The following MOK variants were observed in gnomAD, a reference collection of about 807,000 sequenced individuals.
MOK encodes the protein MAPK/MAK/MRK overlapping kinase.
MOK carries 59 observed loss-of-function variants against 54.2 expected under a neutral mutation model. The ratio of observed to expected loss-of-function variants is 1.09; its 90% CI spans 0.88 to 1.35. MOK has a LOEUF of 1.35. Among genes scored for constraint, MOK ranks in the 40% most tolerant of loss-of-function variants. The pLI is 0.00. For missense variants in MOK, 517 were observed against 526.2 expected, an observed-to-expected ratio of 0.98 and a Z score of 0.17; for synonymous variants, 210 against 202.7, an observed-to-expected ratio of 1.04 and a Z score of -0.31.
At chr14:102,259,245 T>G (rs1314633435) in intron 4 of MOK, among the ~76,000 whole-genome samples, 1 of 152,216 alleles carries the variant, frequency 6.6e-6, no homozygotes, top group African/African-American at 2.4e-5. Flanking sequence ...TAGTCTTTAA[T>G]AGTGCTCCTC....
chr14:102,295,681 A>G (rs1223891407), intron 1 of MOK, among the ~76,000 whole-genome samples: 2 of 152,254 alleles, frequency 1.3e-5, no homozygotes, highest in Non-Finnish European at 2.9e-5. Flanking sequence ...TACACAATTA[A>G]TTATTTGATA....
chr14:102,264,381 C>A (rs936832338), intron 3 of MOK: 1 of 152,316 alleles, frequency 6.6e-6, no homozygotes, highest in Non-Finnish European at 1.5e-5. Context: ...AGTCACATCA[C>A]AAGTGTGTGA....
At chr14:102,265,721 G>T in intron 3 of MOK, 102 bp downstream of exon 3, 1 of 907,948 alleles carries the variant, frequency 1.1e-6, no homozygotes, top group Non-Finnish European at 1.7e-6. Flanking sequence ...TACTCTCTGA[G>T]CTACAAAGTA....
In MOK at chr14:102,305,037, TC is replaced by T; in HGVS notation, c.-70del. On this transcript the variant is annotated 5_prime_UTR_variant, in exon 1 of 12. Coordinates refer to ENST00000361847, the MANE Select transcript of MOK (RefSeq NM_014226.3). ...GGAAAAGAAAGAAGCAGGAAGGTTG[TC>T]CCCCTGCTTTCCACTTCCCTGAGGC... 1 of 1,555,322 alleles carries T rather than the reference TC, an allele frequency of 6.4e-7. No homozygotes were observed. Among genetic ancestry groups the T allele is most frequent in the South Asian group, 1.2e-5 (1 of 85,740 alleles).
intron 7 of MOK, among the ~76,000 whole-genome samples, chr14:102,237,283 A>C (rs1357699700): frequency 6.6e-6 from 1 of 152,092 alleles, no homozygotes; most frequent in Non-Finnish European, 1.5e-5. Context: ...TCTCAAACTC[A>C]CACAGTTACT....
chr14:102,283,652 TC>T, intron 1 of MOK, 60 bp from the exon 2 acceptor site: 2 of 1,015,940 alleles, frequency 2.0e-6, no homozygotes, highest in Non-Finnish European at 3.0e-6. Flanking sequence ...TGTATTCACT[TC>T]CAGACAGCAA....
At chr14:102,286,945 T>TAATA (rs1459379673) in intron 1 of MOK, among the ~76,000 whole-genome samples, 1 of 149,542 alleles carries the variant, frequency 6.7e-6, no homozygotes, top group Non-Finnish European at 1.5e-5. Context: ...ATAATAATAA[T>TAATA]AATGTCCTTA....
At chr14:102,251,081 A>G in intron 6 of MOK, 91 bp from the exon 7 acceptor site, 3 of 1,362,598 alleles carry the variant, frequency 2.2e-6, no homozygotes, top group Non-Finnish European at 3.0e-6. Context: ...CCAGCAGGAA[A>G]ATTACTAGCA....
chr14:102,268,230 T>A (rs1353801877), intron 2 of MOK, among the ~76,000 whole-genome samples: 1 of 152,202 alleles, frequency 6.6e-6, no homozygotes, highest in African/African-American at 2.4e-5. Flanking sequence ...CCACAGGCAT[T>A]CACTGAGAAA....
At chr14:102,257,948 G>T (rs1437483651) in intron 4 of MOK, among the ~76,000 whole-genome samples, 1 of 149,820 alleles carries the variant, frequency 6.7e-6, no homozygotes, top group East Asian at 1.9e-4. Context: ...CTGCACTCCA[G>T]CCTGCCAACA....
chr14:102,256,642 C>A (rs950462138), intron 4 of MOK, among the ~76,000 whole-genome samples: 2 of 151,798 alleles, frequency 1.3e-5, no homozygotes, highest in East Asian at 3.9e-4. Flanking sequence ...CTCAAATAAT[C>A]CTCCCGCCTT....
At chr14:102,298,515 G>C (rs1234359101) in intron 1 of MOK, among the ~76,000 whole-genome samples, 1 of 152,194 alleles carries the variant, frequency 6.6e-6, no homozygotes, top group East Asian at 1.9e-4. Context: ...GTGTCTAGCT[G>C]ATCTCACGGG....
intron 4 of MOK, among the ~76,000 whole-genome samples, chr14:102,256,558 C>T (rs369289338): frequency 2.0e-5 from 3 of 151,388 alleles, no homozygotes; most frequent in South Asian, 4.2e-4. Context: ...GGCAACAGAG[C>T]GAGACTCCGT....
chr14:102,295,072 G>A (rs1473296583), intron 1 of MOK, among the ~76,000 whole-genome samples: 1 of 152,166 alleles, frequency 6.6e-6, no homozygotes, highest in Non-Finnish European at 1.5e-5. Flanking sequence ...TATTTTCATA[G>A]GCCTTCAAAA....
chr14:102,277,509 T>C (rs939395665), intron 2 of MOK: 21 of 152,082 alleles, frequency 1.4e-4, no homozygotes, highest in African/African-American at 4.8e-4. Context: ...TCCCAGCTAC[T>C]TGGGAGGCTG....
At chr14:102,292,686 A>T (rs1488398048) in intron 1 of MOK, among the ~76,000 whole-genome samples, 1 of 152,020 alleles carries the variant, frequency 6.6e-6, no homozygotes, top group African/African-American at 2.4e-5. Flanking sequence ...TAAAGCCATA[A>T]ACCTCTTAAA....
chr14:102,297,728 G>A lies in MOK; in HGVS notation c.7+7234C>T, dbSNP rs190834616. ...ACCGGGGCTGCACGTGGTGCTTGCG[G>A]GCCAGCATGAGTTCTGGGTGGGTGT... is the stretch of plus-strand genomic sequence containing the variant. On this transcript the variant is annotated intron_variant, in intron 1 of 11. Coordinates refer to ENST00000361847, the MANE Select transcript of MOK (RefSeq NM_014226.3). Among the ~76,000 whole-genome samples the A allele has an allele frequency of 1.4e-3, 213 of 152,322 alleles. 3 individuals carry two copies. Among genetic ancestry groups the A allele is most frequent in the African/African-American group, 4.8e-3 (199 of 41,570 alleles).
intron 1 of MOK, among the ~76,000 whole-genome samples, chr14:102,298,114 C>G (rs571167817): frequency 2.1e-3 from 326 of 152,362 alleles, no homozygotes; most frequent in Non-Finnish European, 4.2e-3. Flanking sequence ...ACCTGCAGCC[C>G]TGGTGTGGGA....
downstream of MOK, chr14:102,226,090 C>T: frequency 8.9e-6 from 5 of 558,866 alleles, no homozygotes; most frequent in Non-Finnish European, 1.6e-5. This position sits in a 1 kb window ranked among gnomAD's most constrained non-coding sequence, Gnocchi z 4.8. Flanking sequence ...AGGTCACGGT[C>T]GCACTGCTGC....
Sources: gnomAD v4.1 joint callset for allele counts (sites outside exome capture counted in the v4.1 genomes callset) on GRCh38, gnomAD v4.1.1 for gene constraint, Gnocchi (gnomAD v3.1) non-coding constraint, MANE v1.5 for transcripts, NCBI Gene and HGNC (gene_info 2026-07-23, HGNC 2026-07-21) for gene names.